RARB: variants seen among roughly 807,000 people sequenced by gnomAD.
RARB encodes the protein retinoic acid receptor beta, also known as HBV-activated protein.
RARB carries 17 observed loss-of-function variants against 51.9 expected under a neutral mutation model. The ratio of observed to expected loss-of-function variants is 0.33; its 90% CI spans 0.22 to 0.49. RARB has a LOEUF of 0.49. RARB is among the 20% of genes least tolerant of loss of function. The pLI, the probability that RARB is intolerant of heterozygous loss-of-function variation, is 0.99. For missense variants in RARB, 369 were observed against 550.8 expected (o/e 0.67, Z 3.30); for synonymous variants, 215 against 195.4 (o/e 1.10, Z -0.84).
At chr3:25,180,219 T>C (rs187956475) in intron 5 of RARB, among the ~76,000 whole-genome samples, 1 of 152,286 alleles carries the variant, frequency 6.6e-6, no homozygotes, top group East Asian at 1.9e-4. Context: ...ACTGAAAGAA[T>C]ATATATAAAG....
chr3:25,138,684 A>G (rs952711141), intron 4 of RARB, among the ~76,000 whole-genome samples: 1 of 152,152 alleles, frequency 6.6e-6, no homozygotes, highest in African/African-American at 2.4e-5. Flanking sequence ...ATGTATCTGC[A>G]TGGACAATTA....
chr3:25,596,251 A>G (rs976790736), intron 7 of RARB, among the ~76,000 whole-genome samples, 169 bp from the exon 8 acceptor site: 2 of 152,220 alleles, frequency 1.3e-5, no homozygotes, highest in Admixed American at 6.5e-5. Flanking sequence ...GTGTGATAGT[A>G]ATCGATAGAT....
At chr3:25,448,166 G>A (rs141766372) in intron 1 of RARB, among the ~76,000 whole-genome samples, 1 of 151,998 alleles carries the variant, frequency 6.6e-6, no homozygotes, top group Non-Finnish European at 1.5e-5. Flanking sequence ...GCCGACTCCC[G>A]AGTTCATACT....
chr3:25,526,775 G>A (rs1405454282), intron 3 of RARB, among the ~76,000 whole-genome samples: 1 of 152,072 alleles, frequency 6.6e-6, no homozygotes, highest in African/African-American at 2.4e-5. Context: ...AAGAGAACAG[G>A]GTGATATCTA....
rs147957074 is a variant in RARB, at chr3:25,054,050, G to A, written c.-379-6075G>A. 7.2e-5 allele frequency among the ~76,000 whole-genome samples: 11 copies of A among 152,170 alleles called. No homozygotes were observed. In the East Asian group the frequency reaches 2.1e-3, roughly 29 times the overall value. On this transcript the variant is annotated intron_variant, in intron 2 of 11. Transcript: ENST00000383772. The stretch of plus-strand genomic sequence containing the variant: ...TTCTTGGTTTCATGGGGGTTGAGTG[G>A]GGAGTCCATGTGGACACAGTTCCAG...
At chr3:25,389,592 G>T (rs1706891543) in intron 5 of RARB, among the ~76,000 whole-genome samples, 1 of 152,114 alleles carries the variant, frequency 6.6e-6, no homozygotes, top group Non-Finnish European at 1.5e-5. Context: ...AAGAGTAGAG[G>T]GCCAGCGCAG....
At chr3:25,070,224 G>A (rs756222745) in intron 3 of RARB, among the ~76,000 whole-genome samples, 1 of 152,152 alleles carries the variant, frequency 6.6e-6, no homozygotes, top group Non-Finnish European at 1.5e-5. Context: ...AGTCATATTA[G>A]ATTAGAGGCC....
intron 2 of RARB, among the ~76,000 whole-genome samples, chr3:25,014,757 G>C (rs567269563): frequency 6.6e-6 from 1 of 152,122 alleles, no homozygotes; most frequent in Non-Finnish European, 1.5e-5. Flanking sequence ...TAGAGAGTGA[G>C]ATGGACACTA....
rs34598308 is a variant in RARB, at chr3:25,048,752, C to CTTTTT, written c.-379-11356_-379-11352dup. Among the ~76,000 whole-genome samples the CTTTTT allele has an allele frequency of 7.1e-4, 77 of 108,390 alleles. 3 individuals are homozygous for CTTTTT. Among genetic ancestry groups the CTTTTT allele is most frequent in the African/African-American group, 1.5e-3 (41 of 27,560 alleles). The allele number at this position is 108,390 out of a possible 152,430, so 71.1% of individuals were successfully genotyped here. A position where few individuals can be genotyped will look rare whatever the true frequency, so the allele number is the denominator to read the frequency against. ...TCTGCAGAGAAAGAAATTAAGCCCA[C>CTTTTT]TTTTTTTTTTTTTTTTTTTTTGAGA... On this transcript the variant is annotated intron_variant, in intron 2 of 11. Coordinates refer to the RARB transcript ENST00000383772.
At chr3:25,439,501 G>A (rs1708571792) in intron 1 of RARB, among the ~76,000 whole-genome samples, 1 of 152,104 alleles carries the variant, frequency 6.6e-6, no homozygotes, top group African/African-American at 2.4e-5. Context: ...AACCTGCTGG[G>A]CTGAAGCAAT....
chr3:25,566,409 G>A (rs1266432914), intron 3 of RARB, among the ~76,000 whole-genome samples: 3 of 152,188 alleles, frequency 2.0e-5, no homozygotes, highest in Non-Finnish European at 2.9e-5. Context: ...GTGGAAAGTA[G>A]CCTGAGGTTA....
At chr3:25,593,934 T>G (rs890915962) in intron 6 of RARB, among the ~76,000 whole-genome samples, 13 of 152,100 alleles carry the variant, frequency 8.5e-5, no homozygotes, top group African/African-American at 3.1e-4. Flanking sequence ...AAGCTATTAC[T>G]CCAATTGCCA....
chr3:25,051,259 G>A (rs1314686113), intron 2 of RARB, among the ~76,000 whole-genome samples: 3 of 152,086 alleles, frequency 2.0e-5, no homozygotes, highest in Non-Finnish European at 4.4e-5. Flanking sequence ...CATGTATGGG[G>A]GAGGAATAGA....
At chr3:25,398,066 A>T (rs1707164804) in intron 5 of RARB, among the ~76,000 whole-genome samples, 2 of 152,142 alleles carry the variant, frequency 1.3e-5, no homozygotes, top group Admixed American at 1.3e-4. Flanking sequence ...TGGATATGAT[A>T]TATTTTTACA....
chr3:25,190,243 G>A (rs891680687), intron 5 of RARB, among the ~76,000 whole-genome samples: 1 of 151,930 alleles, frequency 6.6e-6, no homozygotes, highest in Non-Finnish European at 1.5e-5. Flanking sequence ...CTGGACATAG[G>A]AACAGTCAAT....
intron 5 of RARB, among the ~76,000 whole-genome samples, chr3:25,183,649 C>T (rs968056938): frequency 2.6e-5 from 4 of 152,188 alleles, no homozygotes; most frequent in South Asian, 2.1e-4. Flanking sequence ...TCTTGAACAT[C>T]GCCTTATTGG....
At chr3:25,286,379 T>C (rs779582052) in intron 5 of RARB, among the ~76,000 whole-genome samples, 4 of 152,176 alleles carry the variant, frequency 2.6e-5, no homozygotes, top group Non-Finnish European at 4.4e-5. Context: ...TGAGACACTG[T>C]GCCCAGCCCA....
At chr3:25,147,423 C>T (rs970343989) in intron 4 of RARB, among the ~76,000 whole-genome samples, 2 of 152,162 alleles carry the variant, frequency 1.3e-5, no homozygotes, top group Admixed American at 6.5e-5. Context: ...AACAAGGTTA[C>T]TTCTTCTAGA....
chr3:25,143,887 A>G (rs1264903899), intron 4 of RARB, among the ~76,000 whole-genome samples: 1 of 152,176 alleles, frequency 6.6e-6, no homozygotes, highest in East Asian at 1.9e-4. Context: ...TCAAGCAACA[A>G]AAGACAGCAC....
Sources: gnomAD v4.1 joint callset for allele counts (sites outside exome capture counted in the v4.1 genomes callset) on GRCh38, gnomAD v4.1.1 for gene constraint, MANE v1.5 for transcripts, NCBI Gene and HGNC (gene_info 2026-07-23, HGNC 2026-07-21) for gene names.